MAP2: variants seen among roughly 807,000 people sequenced by gnomAD.
MAP2 encodes microtubule-associated protein 2.
In MAP2, 14 loss-of-function variants were observed where a neutral mutation model predicts 137.6. The observed-to-expected ratio is 0.10, with a 90% CI of 0.07 to 0.16. The LOEUF is 0.16. MAP2 is among the 10% of genes least tolerant of loss of function. MAP2 has a pLI of 1.00. For synonymous variants in MAP2, 786 were observed against 782.3 expected (o/e 1.00, Z -0.08); for missense variants, 2,088 against 2,191.5 (o/e 0.95, Z 0.94).
At position 209,733,050 on chromosome 2, in the gene MAP2, T is replaced by C. The variant is rs1421259922; in HGVS notation, c.*2653T>C. 1.3e-5 allele frequency: 2 copies of C among 152,608 alleles called. No individual in the cohort carries two copies. Among genetic ancestry groups the C allele is most frequent in the Non-Finnish European group, 2.9e-5 (2 of 68,038 alleles). 9.5% of individuals were successfully genotyped at this position (152,608 alleles called of 1,614,324 possible). A position where few individuals can be genotyped will look rare whatever the true frequency, so the allele number is the denominator to read the frequency against. On this transcript the variant is annotated 3_prime_UTR_variant, in exon 16 of 16. Transcript: ENST00000682079. ...AGCACCACTCTTGTGGGGACACACA[T>C]ACGCTGATCTAGGAATGAAATCTTC...
intron 4 of MAP2, among the ~76,000 whole-genome samples, chr2:209,630,986 G>A (rs1164653995): frequency 1.0e-5 from 1 of 95,884 alleles, no homozygotes; most frequent in Non-Finnish European, 1.9e-5. Context: ...CATTTTTCAA[G>A]ATTGAAGGGA....
intron 3 of MAP2, among the ~76,000 whole-genome samples, chr2:209,621,547 C>A (rs1476997586): frequency 6.6e-6 from 1 of 152,014 alleles, no homozygotes; most frequent in Non-Finnish European, 1.5e-5. Flanking sequence ...GCATGAGCCA[C>A]CACGCCCGAC....
chr2:209,700,062 G>A (rs2061371961), intron 10 of MAP2, among the ~76,000 whole-genome samples: 1 of 152,192 alleles, frequency 6.6e-6, no homozygotes, highest in Non-Finnish European at 1.5e-5. Context: ...GGTAGACAAT[G>A]GGTTATATTA....
chr2:209,457,690 A>T (rs1039594014), intron 1 of MAP2, among the ~76,000 whole-genome samples: 1 of 152,240 alleles, frequency 6.6e-6, no homozygotes, highest in Admixed American at 6.5e-5. Context: ...TGGAATGACT[A>T]AACTCTATGC....
intron 1 of MAP2, among the ~76,000 whole-genome samples, chr2:209,499,188 A>T (rs2060098276): frequency 6.6e-6 from 1 of 152,190 alleles, no homozygotes; most frequent in African/African-American, 2.4e-5. Context: ...CAGAAATTTC[A>T]TCTGCCAGAT....
intron 3 of MAP2, among the ~76,000 whole-genome samples, chr2:209,603,673 C>T (rs1315754601): frequency 2.0e-5 from 3 of 152,142 alleles, no homozygotes; most frequent in Non-Finnish European, 4.4e-5. Flanking sequence ...ACCCGCCTTT[C>T]TTGACCACAT....
At chr2:209,556,029 TTTTTTTTCTTTTC>T (rs1471497894) in intron 2 of MAP2, among the ~76,000 whole-genome samples, 3 of 149,608 alleles carry the variant, frequency 2.0e-5, no homozygotes, top group Non-Finnish European at 4.4e-5. Flanking sequence ...TCTTTCTTTT[TTTTTTTTCTTTTC>T]TTTTTTTTTT....
intron 4 of MAP2, among the ~76,000 whole-genome samples, chr2:209,629,039 G>A (rs2092708646): frequency 6.6e-6 from 1 of 152,124 alleles, no homozygotes; most frequent in African/African-American, 2.4e-5. Context: ...TGATTTTATA[G>A]CATTATGAGA....
intron 2 of MAP2, among the ~76,000 whole-genome samples, chr2:209,513,638 A>G (rs1404051997): frequency 6.6e-6 from 1 of 152,076 alleles, no homozygotes; most frequent in Non-Finnish European, 1.5e-5. Flanking sequence ...AAAAAACAAA[A>G]AACAAAAAAA....
At chr2:209,444,709 A>G (rs1267854611) in intron 1 of MAP2, among the ~76,000 whole-genome samples, 1 of 151,470 alleles carries the variant, frequency 6.6e-6, no homozygotes, top group Non-Finnish European at 1.5e-5. Flanking sequence ...TATAATAACT[A>G]TTTTTATTTT....
chr2:209,690,514 A>G (rs972396457), intron 7 of MAP2: 1 of 1,044,772 alleles, frequency 9.6e-7, no homozygotes, highest in Admixed American at 3.6e-5. Context: ...GGTCATTCTA[A>G]TGGAGCTGAA....
chr2:209,658,527 A>G (rs1183407692), intron 5 of MAP2, among the ~76,000 whole-genome samples: 1 of 151,198 alleles, frequency 6.6e-6, no homozygotes, highest in Non-Finnish European at 1.5e-5. Flanking sequence ...TTTTTTTGAG[A>G]TGAAGTCTCG....
intron 1 of MAP2, among the ~76,000 whole-genome samples, chr2:209,426,572 G>A (rs370265092): frequency 2.6e-4 from 39 of 152,300 alleles, no homozygotes; most frequent in Admixed American, 7.8e-4. Context: ...CAGTGAAACT[G>A]GCACAGCCAT....
chr2:209,630,990 G>A (rs2092948068), intron 4 of MAP2, among the ~76,000 whole-genome samples: 1 of 60,172 alleles, frequency 1.7e-5, no homozygotes, highest in South Asian at 5.1e-4. Context: ...TTTCAAGATT[G>A]AAGGGAGCTA....
intron 1 of MAP2, among the ~76,000 whole-genome samples, chr2:209,484,521 C>G (rs1432473855): frequency 2.6e-5 from 4 of 152,176 alleles, no homozygotes; most frequent in African/African-American, 7.2e-5. Context: ...GAAACCCTGT[C>G]TCTACTAAAA....
At chr2:209,636,301 A>T (rs923739777) in intron 4 of MAP2, among the ~76,000 whole-genome samples, 1 of 152,136 alleles carries the variant, frequency 6.6e-6, no homozygotes, top group Non-Finnish European at 1.5e-5. Flanking sequence ...AATCCTGAAT[A>T]AAAAGCAAAG....
Position 209,669,839 on chromosome 2 carries a change from A to G in MAP2, c.263-8733A>G, listed in dbSNP as rs116553914. On this transcript the variant is annotated intron_variant, in intron 5 of 15. Transcript: ENST00000682079. Reference sequence around the variant, plus strand: ...CTTTTCCACAAACCCACTATATTTTATATTTTGTTTATCTCACAGTTACTC... The same window carrying G: ...CTTTTCCACAAACCCACTATATTTTGTATTTTGTTTATCTCACAGTTACTC... 8.4e-3 allele frequency among the ~76,000 whole-genome samples: 1,270 copies of G among 152,010 alleles called. 5 individuals carry two copies. The highest frequency in any genetic ancestry group is 0.012 in the Non-Finnish European group (828 of 67,886).
chr2:209,659,089 G>A (rs971320116), intron 5 of MAP2, among the ~76,000 whole-genome samples: 5 of 152,156 alleles, frequency 3.3e-5, no homozygotes, highest in Non-Finnish European at 7.3e-5. Context: ...AAGTGAGAGA[G>A]GTGAATTGTG....
chr2:209,601,246 T>A (rs552711110), intron 3 of MAP2, among the ~76,000 whole-genome samples: 12 of 152,332 alleles, frequency 7.9e-5, no homozygotes, highest in South Asian at 2.1e-4. Context: ...ACATTATGGT[T>A]ATGCGTAGTC....
Sources: allele counts gnomAD v4.1 joint callset (sites outside exome capture counted in the v4.1 genomes callset), GRCh38; gene constraint gnomAD v4.1.1; transcripts MANE v1.5; gene names NCBI Gene and HGNC (gene_info 2026-07-23, HGNC 2026-07-21).